Variants in CRNKL1 observed in about 807,000 individuals in gnomAD.
CRNKL1 encodes crooked neck pre-mRNA splicing factor 1.
Under a neutral mutation model 103.7 loss-of-function variants are expected in CRNKL1, and 35 were observed. That is an observed-to-expected ratio of 0.34 (90% CI 0.26 to 0.45). CRNKL1 has a LOEUF of 0.45. Among genes scored for constraint, CRNKL1 ranks in the 20% least tolerant of loss-of-function variants. The pLI is 1.00. For synonymous variants in CRNKL1, 267 were observed against 282.6 expected, an observed-to-expected ratio of 0.94 and a Z score of 0.55; for missense variants, 645 against 836.0, an observed-to-expected ratio of 0.77 and a Z score of 2.82.
At chr20:20,042,564 C>T (rs753067369) in intron 7 of CRNKL1, 48 bp from the exon 8 acceptor site, 1 of 1,542,262 alleles carries the variant, frequency 6.5e-7, no homozygotes, top group African/African-American at 1.4e-5. Context: ...CCAAGAGCTG[C>T]ACTTGCCAGG....
At chr20:20,050,442 T>C in intron 2 of CRNKL1, 28 bp downstream of exon 2, 2 of 1,601,714 alleles carry the variant, frequency 1.2e-6, no homozygotes, top group Non-Finnish European at 1.7e-6. Context: ...TAACAATTAG[T>C]GGACTGAAAG....
In CRNKL1 at chr20:20,049,450, G is replaced by T; in HGVS notation, c.205-19C>A. On this transcript the variant is annotated intron_variant, in intron 2 of 13. Transcript: ENST00000536226. Reference sequence around the variant, plus strand: ...CAAAAGTCTGGAAGAAGGCAAAAAGGGTCAAGTCAAAAGACAAATGACTAA... The same window carrying T: ...CAAAAGTCTGGAAGAAGGCAAAAAGTGTCAAGTCAAAAGACAAATGACTAA... The T allele has an allele frequency of 1.5e-6, 2 of 1,366,870 alleles. No homozygotes were observed. Among genetic ancestry groups the T allele is most frequent in the Non-Finnish European group, 2.1e-6 (2 of 968,366 alleles). 84.7% of individuals were successfully genotyped at this position (1,366,870 alleles called of 1,614,324 possible). A position where few individuals can be genotyped will look rare whatever the true frequency, so the allele number is the denominator to read the frequency against.
At position 20,040,776 on chromosome 20, in the gene CRNKL1, AAAAG is replaced by A. The variant is rs1243568258; in HGVS notation, c.1225-14_1225-11del. On this transcript the variant is annotated splice_polypyrimidine_tract_variant and intron_variant, in intron 9 of 13. Transcript: ENST00000536226. Reference sequence around the variant, plus strand: ...TTTTGGCAAATGTGAACTAGAAAACAAAAGCACAAAAATATCTAGCTTAAAAGCC... The same window carrying A: ...TTTTGGCAAATGTGAACTAGAAAACACACAAAAATATCTAGCTTAAAAGCC... The A allele has an allele frequency of 1.3e-6, 2 of 1,579,622 alleles. No homozygotes were observed. Among genetic ancestry groups the A allele is most frequent in the Admixed American group, 3.4e-5 (2 of 58,214 alleles).
intron 11 of CRNKL1, 59 bp downstream of exon 11, chr20:20,039,550 T>A: frequency 6.3e-7 from 1 of 1,594,444 alleles, no homozygotes; most frequent in Non-Finnish European, 8.6e-7. Flanking sequence ...TAGATGGTCA[T>A]CTAAAGTAAG....
rs749567955 is a variant in CRNKL1, at chr20:20,036,180, T to C, written c.*15A>G. On this transcript the variant is annotated 3_prime_UTR_variant, in exon 14 of 14. Coordinates refer to ENST00000536226, the MANE Select transcript of CRNKL1 (RefSeq NM_001278628.2). ...ATTTATAAAAATAACAAAACATTTG[T>C]CTATGAAAAAAAGATCAGGATTCAC... The C allele has an allele frequency of 7.5e-6, 12 of 1,607,560 alleles. No individual in the cohort carries two copies. Among genetic ancestry groups the C allele is most frequent in the Non-Finnish European group, 9.3e-6 (11 of 1,176,932 alleles).
Position 20,050,442 on chromosome 20 carries a change from T to G in CRNKL1, c.204+28A>C, listed in dbSNP as rs181350781. ...TGACCGATACAGTCTTAACAATTAG[T>G]GGACTGAAAGATACCACACTGACTG... On this transcript the variant is annotated intron_variant, in intron 2 of 13. Coordinates refer to ENST00000536226, the MANE Select transcript of CRNKL1 (RefSeq NM_001278628.2). The G allele has an allele frequency of 5.9e-5, 95 of 1,601,714 alleles. No homozygotes were observed. In the African/African-American group the frequency reaches 1.2e-3, roughly 19 times the overall value.
At chr20:20,049,255 G>A (rs2043645263) in intron 3 of CRNKL1, 85 bp downstream of exon 3, 3 of 816,412 alleles carry the variant, frequency 3.7e-6, no homozygotes, top group Admixed American at 5.6e-5. Flanking sequence ...TCTTTTACCT[G>A]TGCTTTAACT....
At position 20,036,303 on chromosome 20, in the gene CRNKL1, T is replaced by C. The variant is rs369720590; in HGVS notation, c.1956A>G (p.Gln652=). The change falls in exon 14 of 14, where the codon CAA becomes CAG. Residue 652 remains glutamine (Q), a synonymous_variant. Coordinates refer to ENST00000536226, the MANE Select transcript of CRNKL1 (RefSeq NM_001278628.2). ...DYIFPEDAAN[Q]PNLKLLAMAK... ...CCATGGCCAGGAGTTTGAGGTTAGG[T>C]TGGTTGGCAGCATCTTCTGGAAAGA... is the stretch of plus-strand genomic sequence containing the variant. 330 of 1,614,216 alleles carry C rather than the reference T, an allele frequency of 2.0e-4. No homozygotes were observed. The highest frequency in any genetic ancestry group is 2.7e-4 in the Non-Finnish European group (323 of 1,180,030).
chr20:20,036,219 C>T lies in CRNKL1; in HGVS notation c.2040G>A (p.Glu680=), dbSNP rs2043416849. 1 of 1,614,082 alleles carries T rather than the reference C, an allele frequency of 6.2e-7. No homozygotes were observed. The highest frequency in any genetic ancestry group is 8.5e-7 in the Non-Finnish European group (1 of 1,179,980). The change falls in exon 14 of 14, where the codon GAG becomes GAA. Residue 680 remains glutamate (E), a synonymous_variant. Transcript: ENST00000536226. ...ATCAGGATTCACTCTCATCGACGTC[C>T]TCATCTGGATGGTGCTCAGCATCCT... is the stretch of plus-strand genomic sequence containing the variant. ...EKEDAEHHPD[E]DVDESES is the part of the protein sequence containing the mutation.
upstream of CRNKL1, among the ~76,000 whole-genome samples, chr20:20,054,009 G>GT (rs1491456523): frequency 0.22 from 19,918 of 88,702 alleles, 1,553 homozygotes; most frequent in East Asian, 0.33. Flanking sequence ...TGTTTTTTTT[G>GT]TTTGTTTTTT....
rs1317936404 is a variant in CRNKL1 at position 20,034,930 on chromosome 20, A to AAT, written c.*1263_*1264dup. The AAT allele has an allele frequency of 6.6e-6, 1 of 152,226 alleles. No homozygotes were observed. The highest frequency in any genetic ancestry group is 2.4e-5 in the African/African-American group (1 of 41,458). The allele number at this position is 152,226 out of a possible 1,614,324, so 9.4% of individuals were successfully genotyped here. ...CCTTTTAGGGGAAAACAACCTTAAA[A>AAT]ATACAGTTCTAGTCCTTGGGCAGTG... On this transcript the variant is annotated 3_prime_UTR_variant, in exon 14 of 14. Coordinates refer to ENST00000536226, the MANE Select transcript of CRNKL1 (RefSeq NM_001278628.2).
At chr20:20,054,944 T>C (rs114503618), upstream of CRNKL1, among the ~76,000 whole-genome samples, 2,526 of 152,324 alleles carry the variant, frequency 0.017, 68 homozygotes, top group African/African-American at 0.057. Context: ...ATTTATTCCT[T>C]TTGGAATTCC....
intron 10 of CRNKL1, 33 bp from the exon 11 acceptor site, chr20:20,039,881 C>T (rs748436916): frequency 1.1e-4 from 171 of 1,607,122 alleles, no homozygotes; most frequent in Middle Eastern, 5.5e-4. Context: ...CACTGTGATA[C>T]TGTAGTGGAT....
At chr20:20,045,246 C>A in intron 6 of CRNKL1, 62 bp downstream of exon 6, 3 of 1,365,902 alleles carry the variant, frequency 2.2e-6, no homozygotes, top group Non-Finnish European at 2.0e-6. Flanking sequence ...ATGAACTCAC[C>A]ATGCACAAAA....
upstream of CRNKL1, chr20:20,052,469 C>T (rs201634961): frequency 6.3e-4 from 1,015 of 1,614,230 alleles, 7 homozygotes; most frequent in South Asian, 2.6e-3. Context: ...GCGGAACTTG[C>T]AGGACTGACC....
intron 2 of CRNKL1, among the ~76,000 whole-genome samples, chr20:20,049,731 A>G (rs1487639171): frequency 2.6e-5 from 4 of 152,162 alleles, no homozygotes; most frequent in African/African-American, 9.7e-5. Flanking sequence ...AAACAGTCCC[A>G]CATTCTAGAG....
intron 5 of CRNKL1, among the ~76,000 whole-genome samples, chr20:20,046,674 C>T (rs1024254205): frequency 6.6e-6 from 1 of 152,208 alleles, no homozygotes; most frequent in Non-Finnish European, 1.5e-5. Context: ...AGTGACTGGA[C>T]TGAGGCTGCC....
chr20:20,041,516 A>G (rs546196148), intron 9 of CRNKL1, 50 bp downstream of exon 9: 2 of 1,362,032 alleles, frequency 1.5e-6, no homozygotes, highest in Non-Finnish European at 2.1e-6. Flanking sequence ...CACAAGTAAC[A>G]GAAGAGGATT....
At position 20,043,502 on chromosome 20, in the gene CRNKL1, T is replaced by C; in HGVS notation, c.962A>G (p.Glu321Gly). Reference protein sequence around the residue: ...IVSKRRFQYEEEVKANPHNYD... With the variant: ...IVSKRRFQYEGEVKANPHNYD... ...CACACCAGTGCTCACCTTCACTTCT[T>C]CTTCGTACTGGAATCTCCGTTTGCT... The change falls in exon 7 of 14, where the codon GAA becomes GGA. Residue 321 changes from glutamate (E) to glycine (G), a missense_variant. Around this residue, in one of 2 missense-constraint regions of CRNKL1, gnomAD observed 582 missense variants for 707.7 expected, o/e 0.82. Coordinates refer to ENST00000536226, the MANE Select transcript of CRNKL1 (RefSeq NM_001278628.2). 3 of 1,613,466 alleles carry C rather than the reference T, an allele frequency of 1.9e-6. No individual in the cohort carries two copies. The highest frequency in any genetic ancestry group is 2.5e-6 in the Non-Finnish European group (3 of 1,179,452).
Sources: gnomAD v4.1 joint callset for allele counts (sites outside exome capture counted in the v4.1 genomes callset) on GRCh38, gnomAD v4.1.1 for gene constraint, gnomAD v4.1.1 regional missense constraint, MANE v1.5 for transcripts, NCBI Gene and HGNC (gene_info 2026-07-23, HGNC 2026-07-21) for gene names.